SHTN1: variants seen among roughly 807,000 people sequenced by gnomAD.
SHTN1 encodes the protein shootin-1.
In SHTN1, 42 loss-of-function variants were observed where a neutral mutation model predicts 83.1. The ratio of observed to expected loss-of-function variants is 0.51; its 90% CI spans 0.39 to 0.65. SHTN1 has a LOEUF of 0.65. Among genes scored for constraint, SHTN1 ranks in the 30% least tolerant of loss-of-function variants. The pLI, the probability that SHTN1 is intolerant of heterozygous loss-of-function variation, is 0.00. For synonymous variants in SHTN1, 224 were observed against 247.7 expected, an observed-to-expected ratio of 0.90 and a Z score of 0.90; for missense variants, 622 against 737.8, an observed-to-expected ratio of 0.84 and a Z score of 1.82.
intron 2 of SHTN1, among the ~76,000 whole-genome samples, chr10:116,973,317 G>T (rs1850682799): frequency 1.3e-5 from 2 of 152,084 alleles, no homozygotes; most frequent in Admixed American, 1.3e-4. Context: ...TGCATCAGAG[G>T]GTTGCTAGCC....
At chr10:117,086,254 CTA>C (rs1266594662) in intron 1 of SHTN1, among the ~76,000 whole-genome samples, 4 of 152,212 alleles carry the variant, frequency 2.6e-5, no homozygotes, top group African/African-American at 9.6e-5. Context: ...ATTAATATAG[CTA>C]TGCCAACTTT....
chr10:116,950,628 G>C (rs191668279), intron 6 of SHTN1, among the ~76,000 whole-genome samples: 153 of 152,268 alleles, frequency 1.0e-3, no homozygotes, highest in African/African-American at 3.5e-3. Flanking sequence ...AAAGATAATG[G>C]TCCTGAAAGT....
chr10:117,016,443 G>A (rs528751053), intron 2 of SHTN1, among the ~76,000 whole-genome samples: 41 of 152,318 alleles, frequency 2.7e-4, no homozygotes, highest in Non-Finnish European at 4.0e-4. Flanking sequence ...GTCTCGCTCT[G>A]TCACCTAGAC....
intron 1 of SHTN1, among the ~76,000 whole-genome samples, chr10:117,124,598 C>A (rs1353778648): frequency 1.3e-5 from 2 of 152,052 alleles, no homozygotes; most frequent in East Asian, 3.9e-4. Flanking sequence ...CGTGGTGAAA[C>A]CCCATCTCTA....
intron 1 of SHTN1, among the ~76,000 whole-genome samples, chr10:116,986,861 T>C (rs1851238545): frequency 1.3e-5 from 2 of 151,530 alleles, no homozygotes; most frequent in African/African-American, 4.9e-5. Context: ...CCTGAGTAAC[T>C]GGGATTACAG....
At chr10:117,122,368 CAG>C (rs370196233) in intron 1 of SHTN1, among the ~76,000 whole-genome samples, 5 of 152,238 alleles carry the variant, frequency 3.3e-5, no homozygotes, top group African/African-American at 1.2e-4. Context: ...TTGGTGGAGA[CAG>C]AGTCTCATTT....
chr10:116,946,591 A>AT (rs1418614206), intron 7 of SHTN1, among the ~76,000 whole-genome samples: 23 of 117,350 alleles, frequency 2.0e-4, no homozygotes, highest in African/African-American at 8.0e-4. Context: ...ATTTATATAT[A>AT]AATATATAAA....
intron 6 of SHTN1, 57 bp from the exon 7 acceptor site, chr10:116,949,054 T>C: frequency 6.3e-6 from 9 of 1,435,934 alleles, no homozygotes; most frequent in Non-Finnish European, 8.2e-6. Flanking sequence ...ACAGGACATA[T>C]GGCAATGTGT....
At position 116,949,504 on chromosome 10, in the gene SHTN1, G is replaced by C. The variant is rs780540579; in HGVS notation, c.535-507C>G. ...TACAAGAATCATTTAGTCAAGATCC[G>C]ATACTCAATTTTGGTATTCATTTTA... On this transcript the variant is annotated intron_variant, in intron 6 of 16. Coordinates refer to ENST00000355371, the MANE Select transcript of SHTN1 (RefSeq NM_001127211.3). Among the ~76,000 whole-genome samples the C allele has an allele frequency of 3.3e-5, 5 of 152,048 alleles. No homozygotes were observed. The East Asian group carries it at 9.7e-4, about 29-fold the overall frequency.
intron 1 of SHTN1, among the ~76,000 whole-genome samples, chr10:116,994,699 T>C (rs1285667992): frequency 6.6e-6 from 1 of 152,142 alleles, no homozygotes; most frequent in Non-Finnish European, 1.5e-5. Flanking sequence ...TTAAATATTA[T>C]TTCACAATCA....
chr10:116,953,377 G>A (rs931440458), intron 5 of SHTN1, among the ~76,000 whole-genome samples: 1 of 151,980 alleles, frequency 6.6e-6, no homozygotes, highest in Non-Finnish European at 1.5e-5. Context: ...ATATCCTTAA[G>A]GTTATAGTAT....
intron 14 of SHTN1, among the ~76,000 whole-genome samples, chr10:116,909,501 T>C (rs1848105976): frequency 1.3e-5 from 2 of 152,178 alleles, no homozygotes; most frequent in South Asian, 4.1e-4. Flanking sequence ...TAGAGTGGCT[T>C]TCTAAGTGAC....
At position 116,980,559 on chromosome 10, in the gene SHTN1, A is replaced by C. The variant is rs527339222; in HGVS notation, c.59-1251T>G. On this transcript the variant is annotated intron_variant, in intron 1 of 16. Coordinates refer to ENST00000355371, the MANE Select transcript of SHTN1 (RefSeq NM_001127211.3). ...TGGATTTATCTACCAAAAAAAAAAA[A>C]CCCTCAGTTTTTCTTTTAAGAAAGA... Among the ~76,000 whole-genome samples, 110 of 151,398 alleles carry C rather than the reference A, an allele frequency of 7.3e-4. 2 individuals are homozygous for C. The South Asian group carries it at 0.022, about 30-fold the overall frequency.
upstream of SHTN1, among the ~76,000 whole-genome samples, chr10:117,007,742 C>G (rs1388286318): frequency 6.6e-6 from 1 of 151,554 alleles, no homozygotes; most frequent in Non-Finnish European, 1.5e-5. Context: ...GTTTTTGTTC[C>G]GTTTAATAAT....
chr10:117,021,374 C>T (rs1020845623), intron 2 of SHTN1, among the ~76,000 whole-genome samples: 2 of 152,150 alleles, frequency 1.3e-5, no homozygotes, highest in Non-Finnish European at 2.9e-5. Flanking sequence ...CACTGCACTC[C>T]AGCCTGGCAA....
chr10:117,057,213 G>A (rs1357125483), intron 1 of SHTN1, among the ~76,000 whole-genome samples: 1 of 152,170 alleles, frequency 6.6e-6, no homozygotes, highest in African/African-American at 2.4e-5. Context: ...TTGAAGGCTT[G>A]CAGCTTCCAG....
chr10:117,014,546 T>C (rs1852153438), intron 2 of SHTN1, among the ~76,000 whole-genome samples: 1 of 152,156 alleles, frequency 6.6e-6, no homozygotes, highest in Non-Finnish European at 1.5e-5. Flanking sequence ...GGGTTAGCAA[T>C]TCTCAAACTA....
intron 15 of SHTN1, 127 bp from the exon 16 acceptor site, chr10:116,902,084 G>A: frequency 1.3e-6 from 1 of 795,854 alleles, no homozygotes; most frequent in Non-Finnish European, 1.9e-6. Flanking sequence ...AATTTCAAGA[G>A]CATGCTGGAA....
At chr10:116,969,214 C>A (rs963165472) in intron 2 of SHTN1, among the ~76,000 whole-genome samples, 2 of 152,154 alleles carry the variant, frequency 1.3e-5, no homozygotes, top group African/African-American at 4.8e-5. Flanking sequence ...ATCACGAGGT[C>A]AGGAGTACAA....
Sources: allele counts gnomAD v4.1 joint callset (sites outside exome capture counted in the v4.1 genomes callset), GRCh38; gene constraint gnomAD v4.1.1; transcripts MANE v1.5; gene names NCBI Gene and HGNC (gene_info 2026-07-23, HGNC 2026-07-21).